Variants in TBC1D31 observed in about 807,000 individuals in gnomAD.
The protein encoded by TBC1D31 is TBC1 domain family member 31.
TBC1D31 carries 99 observed loss-of-function variants against 132.9 expected under a neutral mutation model. The ratio of observed to expected loss-of-function variants is 0.74; its 90% CI spans 0.63 to 0.88. The LOEUF (loss-of-function observed/expected upper bound fraction) is 0.88. Ranked by LOEUF, TBC1D31 falls within the 40% of genes least tolerant of loss-of-function variation. The pLI is 0.00. For missense variants in TBC1D31, 1,134 were observed against 1,256.6 expected, an observed-to-expected ratio of 0.90 and a Z score of 1.48; for synonymous variants, 385 against 419.4, an observed-to-expected ratio of 0.92 and a Z score of 1.00.
chr8:123,129,462 A>G (rs1586698434), intron 15 of TBC1D31, among the ~76,000 whole-genome samples: 1 of 152,236 alleles, frequency 6.6e-6, no homozygotes, highest in Non-Finnish European at 1.5e-5. Context: ...GCATGGATTA[A>G]TGTTCCTTGA....
At chr8:123,151,634 A>G (rs1173653407) in intron 21 of TBC1D31, among the ~76,000 whole-genome samples, 172 bp from the exon 22 acceptor site, 1 of 152,196 alleles carries the variant, frequency 6.6e-6, no homozygotes, top group African/African-American at 2.4e-5. Flanking sequence ...CCAACAAATA[A>G]TTATTTGGCT....
At chr8:123,090,953 TAAATC>T (rs1194453186) in intron 4 of TBC1D31, among the ~76,000 whole-genome samples, 3 of 151,694 alleles carry the variant, frequency 2.0e-5, no homozygotes, top group Non-Finnish European at 4.4e-5. Flanking sequence ...AATAAATAAA[TAAATC>T]AATAATAAAT....
rs201015849 is a variant in TBC1D31 at position 123,130,217 on chromosome 8, G to C, written c.2290G>C (p.Glu764Gln). ...TTTAAGGCTAGCTGCTGTGAAAAGA[G>C]AGCTGAAAGTAAAGGAAATGCACTT... ...QRQRLAAVKR[E>Q]LKVKEMHLQD... The change falls in exon 16 of 22, where the codon GAG (glutamate) becomes CAG (glutamine). Residue 764 changes from glutamate to glutamine, a missense_variant. Transcript: ENST00000287380. 3 of 1,611,022 alleles carry C rather than the reference G, an allele frequency of 1.9e-6. No individual in the cohort carries two copies. The highest frequency in any genetic ancestry group is 3.4e-5 in the Admixed American group (2 of 59,538).
chr8:123,126,100 A>G lies in TBC1D31; in HGVS notation c.1615A>G (p.Ile539Val), dbSNP rs143667620. Residue 539 changes from isoleucine (I) to valine (V), a missense_variant, in exon 12 of 22, where the codon ATC (isoleucine) becomes GTC (valine). Coordinates refer to ENST00000287380, the MANE Select transcript of TBC1D31 (RefSeq NM_145647.4). ...GTTTGAATATTTTCCTAATCCTCCT[A>G]TCAATATTCTTAGCATGATAGAAAA... ...HWFEYFPNPP[I>V]NILSMIENVL... 541 of 1,610,608 alleles carry G rather than the reference A, an allele frequency of 3.4e-4. 3 individuals carry two copies. In the African/African-American group the frequency reaches 6.7e-3, roughly 20 times the overall value.
At chr8:123,157,430 C>T in the TBC1D31 span, among the ~76,000 whole-genome samples, 2 of 152,164 alleles carry the variant, frequency 1.3e-5, no homozygotes, top group African/African-American at 4.8e-5. Flanking sequence ...TCCGCTGCGT[C>T]CTGCCCCTGT....
intron 7 of TBC1D31, among the ~76,000 whole-genome samples, chr8:123,101,627 C>T (rs943870300): frequency 2.0e-5 from 3 of 152,144 alleles, no homozygotes; most frequent in African/African-American, 7.2e-5. Flanking sequence ...GTTGGTCAGG[C>T]TGGTCTCAAA....
chr8:123,078,850 C>G (rs1814824305), intron 2 of TBC1D31, among the ~76,000 whole-genome samples: 1 of 151,844 alleles, frequency 6.6e-6, no homozygotes, highest in Admixed American at 6.6e-5. Context: ...AGTACCCCCC[C>G]ACAAAATACT....
At chr8:123,089,080 T>A (rs751614664) in intron 4 of TBC1D31, among the ~76,000 whole-genome samples, 1 of 152,196 alleles carries the variant, frequency 6.6e-6, no homozygotes, top group Non-Finnish European at 1.5e-5. Flanking sequence ...GCTCCAAAAT[T>A]TGAAATTTTT....
chr8:123,128,972 TA>T, intron 14 of TBC1D31, 93 bp from the exon 15 acceptor site: 1 of 818,408 alleles, frequency 1.2e-6, no homozygotes, highest in Non-Finnish European at 1.8e-6. Flanking sequence ...CATATGGAAA[TA>T]AAATAGATTA....
At chr8:123,090,493 T>G (rs138718007) in intron 4 of TBC1D31, among the ~76,000 whole-genome samples, 1 of 152,202 alleles carries the variant, frequency 6.6e-6, no homozygotes, top group African/African-American at 2.4e-5. Context: ...AGAAAAGGCT[T>G]TGTGATGGAT....
chr8:123,076,092 C>T (rs1814482688), intron 1 of TBC1D31, among the ~76,000 whole-genome samples: 1 of 151,726 alleles, frequency 6.6e-6, no homozygotes, highest in Non-Finnish European at 1.5e-5. Context: ...TCTTTTTTTC[C>T]CTATACGTAT....
At chr8:123,079,887 G>A (rs184332178) in intron 2 of TBC1D31, among the ~76,000 whole-genome samples, 2 of 152,054 alleles carry the variant, frequency 1.3e-5, no homozygotes, top group East Asian at 3.9e-4. Flanking sequence ...ATAAAAACAG[G>A]TGATCTTAAT....
At chr8:123,161,151 C>T in the TBC1D31 span, among the ~76,000 whole-genome samples, 1 of 152,196 alleles carries the variant, frequency 6.6e-6, no homozygotes, top group East Asian at 1.9e-4. Flanking sequence ...CCTGCGCCTG[C>T]GCCGGGGCTC....
Position 123,151,969 on chromosome 8 carries a change from A to G in TBC1D31, c.*30A>G, listed in dbSNP as rs777652148. 2.8e-6 allele frequency: 4 copies of G among 1,440,684 alleles called. No individual in the cohort carries two copies. In the Admixed American group the frequency reaches 1.1e-4, roughly 38 times the overall value. The allele number at this position is 1,440,684 out of a possible 1,614,324, so 89.2% of individuals were successfully genotyped here. A position where few individuals can be genotyped will look rare whatever the true frequency, so the allele number is the denominator to read the frequency against. ...CATGTCACCTTGAGACGGTCGAGAG[A>G]GAGACCTATTTTGCAATCAGTGACA... On this transcript the variant is annotated 3_prime_UTR_variant, in exon 22 of 22. Transcript: ENST00000287380.
chr8:123,139,597 C>T (rs749090610), intron 17 of TBC1D31, among the ~76,000 whole-genome samples: 6 of 152,080 alleles, frequency 3.9e-5, no homozygotes, highest in East Asian at 1.9e-4. Context: ...TTCTAGATTC[C>T]GCTTCCTGGT....
At chr8:123,129,934 C>T (rs75283890) in intron 15 of TBC1D31, among the ~76,000 whole-genome samples, 3,580 of 152,162 alleles carry the variant, frequency 0.024, 131 homozygotes, top group African/African-American at 0.083. Flanking sequence ...TTATTGATTC[C>T]TATTCTTAGA....
intron 10 of TBC1D31, 56 bp from the exon 11 acceptor site, chr8:123,119,999 A>G: frequency 1.4e-6 from 2 of 1,399,310 alleles, no homozygotes; most frequent in Non-Finnish European, 9.5e-7. Context: ...AATTTTTATC[A>G]TGTGAAGATA....
rs556827754 is a variant in TBC1D31, at chr8:123,146,217, A to G, written c.2974+1362A>G. ...TATTATTCAATGTCATTATATTATC[A>G]TGTACTAAAAAATACACTTACATAG... On this transcript the variant is annotated intron_variant, in intron 20 of 21. Transcript: ENST00000287380. Among the ~76,000 whole-genome samples, 92 of 152,288 alleles carry G rather than the reference A, an allele frequency of 6.0e-4. No homozygotes were observed. In the Middle Eastern group the frequency reaches 0.017, roughly 28 times the overall value.
At chr8:123,115,869 G>C (rs1818864265) in intron 10 of TBC1D31, among the ~76,000 whole-genome samples, 1 of 152,040 alleles carries the variant, frequency 6.6e-6, no homozygotes, top group Admixed American at 6.6e-5. Context: ...CTCACCCCAA[G>C]GTGCTTAACT....
Sources: allele counts gnomAD v4.1 joint callset (sites outside exome capture counted in the v4.1 genomes callset), GRCh38; gene constraint gnomAD v4.1.1; transcripts MANE v1.5; gene names NCBI Gene and HGNC (gene_info 2026-07-23, HGNC 2026-07-21).